FUT9: variants seen among roughly 807,000 people sequenced by gnomAD.
The protein encoded by FUT9 is 4-galactosyl-N-acetylglucosaminide 3-alpha-L-fucosyltransferase 9.
In FUT9, 15 loss-of-function variants were observed where a neutral mutation model predicts 29.7. The ratio of observed to expected loss-of-function variants is 0.51; its 90% CI spans 0.34 to 0.78. The LOEUF (loss-of-function observed/expected upper bound fraction) is 0.78. FUT9 is among the 30% of genes least tolerant of loss of function. The pLI is 0.01. For synonymous variants in FUT9, 169 were observed against 153.7 expected, an observed-to-expected ratio of 1.10 and a Z score of -0.74; for missense variants, 319 against 425.4, an observed-to-expected ratio of 0.75 and a Z score of 2.20.
intron 1 of FUT9, among the ~76,000 whole-genome samples, chr6:96,045,307 G>A (rs1287772614): frequency 6.6e-6 from 1 of 152,164 alleles, no homozygotes; most frequent in African/African-American, 2.4e-5. Flanking sequence ...AAAAGCAAGA[G>A]CTGAAATAAG....
intron 1 of FUT9, among the ~76,000 whole-genome samples, chr6:96,057,694 G>T (rs1770796125): frequency 6.6e-6 from 1 of 152,210 alleles, no homozygotes; most frequent in South Asian, 2.1e-4. Flanking sequence ...ATTAGTGTGA[G>T]CACAGAACGA....
At chr6:96,092,227 A>G (rs1771423173) in intron 1 of FUT9, among the ~76,000 whole-genome samples, 2 of 152,136 alleles carry the variant, frequency 1.3e-5, no homozygotes, top group South Asian at 4.1e-4. Context: ...GGTAAAATGA[A>G]TGAATTAGAG....
At chr6:96,146,629 T>G (rs540379315) in intron 2 of FUT9, among the ~76,000 whole-genome samples, 20 of 152,192 alleles carry the variant, frequency 1.3e-4, no homozygotes, top group Non-Finnish European at 2.5e-4. Context: ...AATTCTGGAG[T>G]GCCACTTTGT....
chr6:96,112,546 G>C (rs143397851), intron 1 of FUT9, among the ~76,000 whole-genome samples: 164 of 152,234 alleles, frequency 1.1e-3, no homozygotes, highest in African/African-American at 3.6e-3. Flanking sequence ...AGGCTATGTA[G>C]AAATCCACAA....
At chr6:96,154,382 A>T (rs960749223) in intron 2 of FUT9, among the ~76,000 whole-genome samples, 3 of 152,192 alleles carry the variant, frequency 2.0e-5, no homozygotes, top group Admixed American at 1.3e-4. Context: ...TTAGACTCCA[A>T]CAGTAATATA....
intron 1 of FUT9, among the ~76,000 whole-genome samples, chr6:96,060,095 C>T (rs1280968110): frequency 6.6e-6 from 1 of 152,150 alleles, no homozygotes. Flanking sequence ...GAAAGCTACA[C>T]CTTACAAAAT....
At chr6:96,094,402 T>C (rs4610576) in intron 1 of FUT9, among the ~76,000 whole-genome samples, 138,955 of 152,156 alleles carry the variant, frequency 0.91, 64,501 homozygotes, top group East Asian at 1. Context: ...TATTTGGATA[T>C]GGCAAAGAGA....
intron 1 of FUT9, among the ~76,000 whole-genome samples, chr6:96,108,609 G>A (rs187951479): frequency 1.3e-5 from 2 of 152,170 alleles, no homozygotes; most frequent in Non-Finnish European, 2.9e-5. Flanking sequence ...TCACTGCCTT[G>A]TGCATGTCTT....
intron 2 of FUT9, among the ~76,000 whole-genome samples, chr6:96,186,653 G>A (rs1293538434): frequency 6.6e-6 from 1 of 152,112 alleles, no homozygotes; most frequent in East Asian, 1.9e-4. Context: ...ACAATCTGCT[G>A]TCTGCAACCT....
chr6:96,150,463 G>A (rs1485475199), intron 2 of FUT9, among the ~76,000 whole-genome samples: 1 of 152,148 alleles, frequency 6.6e-6, no homozygotes, highest in African/African-American at 2.4e-5. Flanking sequence ...GCTGTGAGGG[G>A]CTAGATGGTG....
intron 2 of FUT9, among the ~76,000 whole-genome samples, chr6:96,122,512 G>A (rs1265174443): frequency 5.3e-5 from 8 of 152,116 alleles, no homozygotes; most frequent in South Asian, 2.1e-4. Context: ...TTTCTAATCC[G>A]TATGTACACA....
intron 1 of FUT9, among the ~76,000 whole-genome samples, chr6:96,095,930 T>C (rs1771487399): frequency 6.6e-6 from 1 of 152,146 alleles, no homozygotes; most frequent in African/African-American, 2.4e-5. Context: ...TGTTGTCATA[T>C]TACATGATGT....
At chr6:96,092,895 G>C (rs780490980) in intron 1 of FUT9, among the ~76,000 whole-genome samples, 2 of 151,908 alleles carry the variant, frequency 1.3e-5, no homozygotes, top group East Asian at 1.9e-4. Context: ...TGAGTAGTTA[G>C]GACTTCAGGT....
chr6:96,064,889 A>G (rs1372916946), intron 1 of FUT9, among the ~76,000 whole-genome samples: 2 of 152,222 alleles, frequency 1.3e-5, no homozygotes, highest in East Asian at 3.9e-4. Flanking sequence ...AAAGCAATGA[A>G]GAATTATTTT....
intron 2 of FUT9, among the ~76,000 whole-genome samples, chr6:96,160,890 AAG>A (rs1311288959): frequency 2.0e-5 from 3 of 152,184 alleles, no homozygotes; most frequent in Non-Finnish European, 4.4e-5. Flanking sequence ...GCTAATGATT[AAG>A]AGAGAGAGTA....
intron 2 of FUT9, among the ~76,000 whole-genome samples, chr6:96,152,904 C>T (rs1366290497): frequency 2.0e-5 from 3 of 152,158 alleles, no homozygotes; most frequent in Non-Finnish European, 4.4e-5. Flanking sequence ...TGCATTCCCA[C>T]GAACACGGTT....
intron 1 of FUT9, among the ~76,000 whole-genome samples, chr6:96,052,204 A>T (rs1293870661): frequency 1.3e-5 from 2 of 152,202 alleles, no homozygotes; most frequent in East Asian, 3.9e-4. Flanking sequence ...CACTATCATG[A>T]CAAGAGCAGC....
chr6:96,203,754 A>G lies in FUT9; in HGVS notation c.599A>G (p.His200Arg). 1 of 1,614,136 alleles carries G rather than the reference A, an allele frequency of 6.2e-7. No homozygotes were observed. Residue 200 changes from histidine (H) to arginine (R), a missense_variant, in exon 3 of 3, where the codon CAT becomes CGT. Coordinates refer to ENST00000302103, the MANE Select transcript of FUT9 (RefSeq NM_006581.4). ...GTTGTGAGTAACTGGAACCCTGAGC[A>G]TGCCAGAGTCAAGTATTACAATGAG... The part of the protein sequence containing the change: ...CWVVSNWNPE[H>R]ARVKYYNELS...
intron 2 of FUT9, among the ~76,000 whole-genome samples, chr6:96,198,028 G>A (rs1392811278): frequency 1.3e-5 from 2 of 152,080 alleles, no homozygotes; most frequent in Non-Finnish European, 1.5e-5. Context: ...ATATGTATCT[G>A]TGGTTGGAGA....
Sources: gnomAD v4.1 joint callset for allele counts (sites outside exome capture counted in the v4.1 genomes callset) on GRCh38, gnomAD v4.1.1 for gene constraint, MANE v1.5 for transcripts, NCBI Gene and HGNC (gene_info 2026-07-23, HGNC 2026-07-21) for gene names.